Variants in KIF9 observed in about 807,000 individuals in gnomAD.
The protein encoded by KIF9 is kinesin family member 9, also known as kinesin-like protein KIF9.
In KIF9, 68 loss-of-function variants were observed where a neutral mutation model predicts 94.8. The observed-to-expected ratio is 0.72, with a 90% CI of 0.59 to 0.88. The LOEUF is 0.88. KIF9 is among the 40% of genes least tolerant of loss of function. The pLI is 0.00. For synonymous variants in KIF9, 343 were observed against 362.1 expected (o/e 0.95, Z 0.60); for missense variants, 882 against 982.5 (o/e 0.90, Z 1.37).
chr3:47,261,402 G>T (rs1700964936), intron 9 of KIF9, among the ~76,000 whole-genome samples: 1 of 152,198 alleles, frequency 6.6e-6, no homozygotes, highest in Non-Finnish European at 1.5e-5. Flanking sequence ...GGCAGCTATG[G>T]GAGCAGGCCC....
At chr3:47,231,546 G>A (rs1575907048) in intron 20 of KIF9, among the ~76,000 whole-genome samples, 1 of 151,628 alleles carries the variant, frequency 6.6e-6, no homozygotes, top group African/African-American at 2.4e-5. Context: ...AAGTAGCTGG[G>A]ATTACAGGCG....
At chr3:47,273,240 C>T (rs1325441968) in intron 4 of KIF9, among the ~76,000 whole-genome samples, 1 of 152,170 alleles carries the variant, frequency 6.6e-6, no homozygotes, top group Admixed American at 6.5e-5. Context: ...ACCTCCAAAT[C>T]CTTAATTACA....
chr3:47,256,782 A>C (rs1408365613), intron 10 of KIF9, among the ~76,000 whole-genome samples: 1 of 152,188 alleles, frequency 6.6e-6, no homozygotes, highest in Non-Finnish European at 1.5e-5. Context: ...GAGACCTTTC[A>C]TTTTGTTCTG....
chr3:47,245,931 TG>T lies in KIF9; in HGVS notation c.1289+265del, dbSNP rs1699895770. 4 of 501,020 alleles carry T rather than the reference TG, an allele frequency of 8.0e-6. No homozygotes were observed. The Admixed American group carries it at 1.4e-4, about 17-fold the overall frequency. The allele number at this position is 501,020 out of a possible 1,614,324, so 31.0% of individuals were successfully genotyped here. ...AATAAACCACAAATGCCTCCTGAGG[TG>T]GGAGTGTGTGTTGCAATATTCACAA... On this transcript the variant is annotated intron_variant, in intron 13 of 20. Transcript: ENST00000684063.
intron 1 of KIF9, among the ~76,000 whole-genome samples, chr3:47,280,212 C>A (rs1702243106): frequency 6.6e-6 from 1 of 152,188 alleles, no homozygotes; most frequent in South Asian, 2.1e-4. Flanking sequence ...CCCACCTCAG[C>A]CTCACACTCA....
At chr3:47,267,707 A>G (rs1356241018) in intron 5 of KIF9, among the ~76,000 whole-genome samples, 3 of 152,208 alleles carry the variant, frequency 2.0e-5, no homozygotes, top group South Asian at 2.1e-4. Context: ...AAGCATTCAT[A>G]GAAGAAATAA....
At position 47,231,099 on chromosome 3, in the gene KIF9, A is replaced by G. The variant is rs1333951946; in HGVS notation, c.2323-2397T>C. Among the ~76,000 whole-genome samples, 3 of 152,144 alleles carry G rather than the reference A, an allele frequency of 2.0e-5. No homozygotes were observed. In the East Asian group the frequency reaches 5.8e-4, roughly 29 times the overall value. On this transcript the variant is annotated intron_variant, in intron 20 of 20. Transcript: ENST00000684063. ...TGAGGAGCTGGAAGAAACATAAGAT[A>G]TTTTAAGAGATACAGAGGACAGAAT...
At position 47,236,158 on chromosome 3, in the gene KIF9, A is replaced by G; in HGVS notation, c.2102-9T>C. 6.3e-7 allele frequency: 1 copy of G among 1,599,434 alleles called. No homozygotes were observed. The highest frequency in any genetic ancestry group is 8.6e-7 in the Non-Finnish European group (1 of 1,166,678). On this transcript the variant is annotated splice_polypyrimidine_tract_variant and intron_variant, in intron 18 of 20. Transcript: ENST00000684063. ...GTACCAGATGTCAAATTCTACAAGG[A>G]GGTGAGGAGACAGAACTTGAGGAAG...
intron 20 of KIF9, among the ~76,000 whole-genome samples, chr3:47,233,211 AAAT>A (rs1698740605): frequency 6.7e-6 from 1 of 150,148 alleles, no homozygotes; most frequent in Admixed American, 6.7e-5. Flanking sequence ...AAATACAAAA[AAAT>A]TAGCTGAGTG....
At chr3:47,277,544 T>C (rs536133105) in intron 1 of KIF9, among the ~76,000 whole-genome samples, 165 bp from the exon 2 acceptor site, 29 of 152,312 alleles carry the variant, frequency 1.9e-4, no homozygotes, top group African/African-American at 7.0e-4. Context: ...TTCAGTGTTC[T>C]ACCCACAAGA....
intron 10 of KIF9, among the ~76,000 whole-genome samples, chr3:47,254,481 T>C (rs971768508): frequency 1.3e-5 from 2 of 152,100 alleles, no homozygotes; most frequent in Non-Finnish European, 2.9e-5. Context: ...CATGGTAGCA[T>C]GTGCCTGTAA....
Position 47,246,350 on chromosome 3 carries a change from C to T in KIF9, c.1234-98G>A, listed in dbSNP as rs368864770. ...GAGAAATCAAGACCCCTTGGCTGAC[C>T]CCTGGACCATCTGTCTCGAGAAGAG... On this transcript the variant is annotated intron_variant, in intron 12 of 20. Coordinates refer to ENST00000684063, the MANE Select transcript of KIF9 (RefSeq NM_182902.4). The T allele has an allele frequency of 8.0e-6, 7 of 875,676 alleles. No homozygotes were observed. In the African/African-American group the frequency reaches 1.2e-4, roughly 15 times the overall value. 54.2% of individuals were successfully genotyped at this position (875,676 alleles called of 1,614,324 possible). A position where few individuals can be genotyped will look rare whatever the true frequency, so the allele number is the denominator to read the frequency against.
rs1258486050 is a variant in KIF9, at chr3:47,282,724, A to G, written c.-235T>C. 7 of 1,406,442 alleles carry G rather than the reference A, an allele frequency of 5.0e-6. No individual in the cohort carries two copies. Among genetic ancestry groups the G allele is most frequent in the Non-Finnish European group, 6.5e-6 (7 of 1,080,892 alleles). 87.1% of individuals were successfully genotyped at this position (1,406,442 alleles called of 1,614,324 possible). On this transcript the variant is annotated 5_prime_UTR_variant, in exon 1 of 21. Coordinates refer to ENST00000684063, the MANE Select transcript of KIF9 (RefSeq NM_182902.4). ...GAGAGATGGGGCCGATTGATCTAGA[A>G]AGACTTCGGCGGATGCACATGCGAA...
chr3:47,254,763 C>G (rs1389315975), intron 10 of KIF9, among the ~76,000 whole-genome samples: 2 of 151,894 alleles, frequency 1.3e-5, no homozygotes, highest in Non-Finnish European at 2.9e-5. Flanking sequence ...AGAGAGGAGG[C>G]CTCAGTGTCA....
chr3:47,241,743 A>G (rs1245783489), intron 16 of KIF9, among the ~76,000 whole-genome samples: 3 of 146,676 alleles, frequency 2.0e-5, no homozygotes, highest in Non-Finnish European at 3.0e-5. Flanking sequence ...ATGTGTGTGT[A>G]TATATACGTA....
intron 20 of KIF9, among the ~76,000 whole-genome samples, chr3:47,229,778 G>C (rs147086476): frequency 9.2e-5 from 14 of 151,484 alleles, no homozygotes; most frequent in Non-Finnish European, 1.8e-4. Context: ...CTGTCACCCA[G>C]GCCGGAGTAC....
At chr3:47,245,202 C>T (rs1699843304) in intron 14 of KIF9, 2 of 599,546 alleles carry the variant, frequency 3.3e-6, no homozygotes, top group Middle Eastern at 4.4e-4. Flanking sequence ...TCCAGGAAAT[C>T]GTCTTTAATA....
intron 10 of KIF9, among the ~76,000 whole-genome samples, chr3:47,257,204 C>T (rs1387456550): frequency 1.3e-5 from 2 of 151,740 alleles, no homozygotes; most frequent in East Asian, 3.9e-4. Flanking sequence ...AATTTTTCTT[C>T]ATCTTAAGGT....
intron 13 of KIF9, 58 bp from the exon 14 acceptor site, chr3:47,245,569 G>T: frequency 1.5e-6 from 2 of 1,332,502 alleles, no homozygotes; most frequent in South Asian, 1.2e-5. Context: ...ATCCACTGGG[G>T]CAAGAACCAA....
Sources: allele counts gnomAD v4.1 joint callset (sites outside exome capture counted in the v4.1 genomes callset), GRCh38; gene constraint gnomAD v4.1.1; transcripts MANE v1.5; gene names NCBI Gene and HGNC (gene_info 2026-07-23, HGNC 2026-07-21).